ARHGAP29: variants seen among roughly 807,000 people sequenced by gnomAD.
The protein encoded by ARHGAP29 is rho GTPase-activating protein 29.
In ARHGAP29, 43 loss-of-function variants were observed where a neutral mutation model predicts 122.6. The ratio of observed to expected loss-of-function variants is 0.35; its 90% CI spans 0.27 to 0.45. The LOEUF (loss-of-function observed/expected upper bound fraction) is 0.45. Ranked by LOEUF, ARHGAP29 falls within the 20% of genes least tolerant of loss-of-function variation. The pLI is 1.00. For missense variants in ARHGAP29, 1,303 were observed against 1,477.2 expected, an observed-to-expected ratio of 0.88 and a Z score of 1.93; for synonymous variants, 506 against 497.1, an observed-to-expected ratio of 1.02 and a Z score of -0.24.
the ARHGAP29 span, among the ~76,000 whole-genome samples, chr1:94,300,808 C>T: frequency 6.6e-6 from 1 of 151,398 alleles, no homozygotes; most frequent in Non-Finnish European, 1.5e-5. Flanking sequence ...TACACATAAG[C>T]ACTCAGCAAG....
At chr1:94,276,996 G>A (rs1655215561), upstream of ARHGAP29, among the ~76,000 whole-genome samples, 1 of 152,014 alleles carries the variant, frequency 6.6e-6, no homozygotes, top group Admixed American at 6.6e-5. Context: ...TCCAGCCTGT[G>A]GGTGTAACTC....
intron 1 of ARHGAP29, among the ~76,000 whole-genome samples, chr1:94,263,783 A>G (rs563000911): frequency 6.6e-6 from 1 of 152,226 alleles, no homozygotes; most frequent in African/African-American, 2.4e-5. Context: ...GTACACCACT[A>G]TGTACTTTGG....
intron 22 of ARHGAP29, among the ~76,000 whole-genome samples, chr1:94,175,496 C>T (rs1047939996): frequency 3.9e-5 from 6 of 152,164 alleles, no homozygotes; most frequent in East Asian, 1.9e-4. Context: ...TGTGCCTTGA[C>T]GCCATCCTGA....
rs1651386458 is a variant in ARHGAP29 at position 94,208,834 on chromosome 1, T to C, written c.508A>G (p.Lys170Glu). The C allele has an allele frequency of 6.2e-7, 1 of 1,613,464 alleles. No individual in the cohort carries two copies. The highest frequency in any genetic ancestry group is 8.5e-7 in the Non-Finnish European group (1 of 1,179,544). The change falls in exon 5 of 23, where the codon AAG (lysine) becomes GAG (glutamate). Residue 170 changes from lysine to glutamate, a missense_variant and splice_region_variant. Physicochemically the swap from Lys to Glu is moderately conservative, Grantham distance 56. Coordinates refer to ENST00000260526, the MANE Select transcript of ARHGAP29 (RefSeq NM_004815.4). ...GCTTTCACACAAACTTAGCTTACCT[T>C]AGTTTCTCGAGAAACAGGCAGTCGC... ...LLRLPVSRET[K>E]SFENVSVESV...
At chr1:94,246,797 C>G (rs1263577586) in intron 1 of ARHGAP29, among the ~76,000 whole-genome samples, 1 of 152,134 alleles carries the variant, frequency 6.6e-6, no homozygotes, top group Non-Finnish European at 1.5e-5. Flanking sequence ...GGTCCGCTCT[C>G]TAGGTGGTAG....
At chr1:94,183,823 T>C (rs1402656998) in intron 19 of ARHGAP29, among the ~76,000 whole-genome samples, 1 of 152,084 alleles carries the variant, frequency 6.6e-6, no homozygotes. Context: ...ATTAAAACTA[T>C]TAAGAGAAGA....
At chr1:94,289,623 T>C in the ARHGAP29 span, among the ~76,000 whole-genome samples, 1 of 152,242 alleles carries the variant, frequency 6.6e-6, no homozygotes, top group Non-Finnish European at 1.5e-5. Flanking sequence ...ATATTGGCTG[T>C]GGGTCTGTCA....
intron 19 of ARHGAP29, among the ~76,000 whole-genome samples, chr1:94,183,016 T>C (rs1649574604): frequency 6.6e-6 from 1 of 152,116 alleles, no homozygotes; most frequent in Non-Finnish European, 1.5e-5. Context: ...TGACTGTAGT[T>C]AACAATAATA....
chr1:94,305,130 A>T, the ARHGAP29 span, among the ~76,000 whole-genome samples: 1 of 152,258 alleles, frequency 6.6e-6, no homozygotes, highest in Non-Finnish European at 1.5e-5. Flanking sequence ...TTAATCATGT[A>T]TAAGCCCCTA....
intron 3 of ARHGAP29, among the ~76,000 whole-genome samples, chr1:94,213,683 A>G (rs955801064): frequency 6.6e-6 from 1 of 152,208 alleles, no homozygotes; most frequent in African/African-American, 2.4e-5. Context: ...TGGGTTCCGA[A>G]GTCAGTCTGC....
At chr1:94,253,138 T>G (rs1243529917) in intron 1 of ARHGAP29, among the ~76,000 whole-genome samples, 2 of 152,090 alleles carry the variant, frequency 1.3e-5, no homozygotes, top group African/African-American at 2.4e-5. Flanking sequence ...AGCCGGCTAA[T>G]TTTTTGTATG....
chr1:94,227,826 C>T (rs545232387), intron 2 of ARHGAP29, among the ~76,000 whole-genome samples: 4 of 151,956 alleles, frequency 2.6e-5, no homozygotes, highest in South Asian at 4.1e-4. Flanking sequence ...ATATATTAAT[C>T]TACAGTGTTA....
the ARHGAP29 span, among the ~76,000 whole-genome samples, chr1:94,303,382 G>A: frequency 6.6e-6 from 1 of 152,210 alleles, no homozygotes; most frequent in African/African-American, 2.4e-5. Context: ...GAGACAGAAA[G>A]TGAAATGGTG....
chr1:94,200,570 A>G (rs1417442156), intron 12 of ARHGAP29, among the ~76,000 whole-genome samples: 1 of 152,196 alleles, frequency 6.6e-6, no homozygotes, highest in Non-Finnish European at 1.5e-5. Flanking sequence ...AAGAAAACTT[A>G]TGTTCAACAA....
At chr1:94,212,229 G>C (rs1651669282) in intron 3 of ARHGAP29, among the ~76,000 whole-genome samples, 1 of 152,080 alleles carries the variant, frequency 6.6e-6, no homozygotes, top group Non-Finnish European at 1.5e-5. Flanking sequence ...CTGCACACTA[G>C]CCTGGGTGAC....
chr1:94,247,460 C>G (rs530106630), intron 1 of ARHGAP29, among the ~76,000 whole-genome samples: 169 of 151,742 alleles, frequency 1.1e-3, no homozygotes, highest in African/African-American at 3.8e-3. Flanking sequence ...GCGCCCCTAG[C>G]CCCTGCCGGA....
upstream of ARHGAP29, among the ~76,000 whole-genome samples, chr1:94,278,586 T>C (rs577067401): frequency 4.6e-5 from 7 of 152,326 alleles, no homozygotes; most frequent in South Asian, 1.5e-3. Flanking sequence ...GGTGCACGTG[T>C]ATGCATGTGT....
At chr1:94,314,001 G>A in the ARHGAP29 span, among the ~76,000 whole-genome samples, 1 of 152,160 alleles carries the variant, frequency 6.6e-6, no homozygotes, top group Non-Finnish European at 1.5e-5. Flanking sequence ...GGGAGGGATA[G>A]CATTATGAGA....
chr1:94,234,341 G>T (rs1456927359), intron 1 of ARHGAP29, among the ~76,000 whole-genome samples: 2 of 152,062 alleles, frequency 1.3e-5, no homozygotes, highest in African/African-American at 4.8e-5. Flanking sequence ...AAATAACTCT[G>T]GGTTGTTGCA....
Sources: allele counts gnomAD v4.1 joint callset (sites outside exome capture counted in the v4.1 genomes callset), GRCh38; gene constraint gnomAD v4.1.1; transcripts MANE v1.5; gene names NCBI Gene and HGNC (gene_info 2026-07-23, HGNC 2026-07-21).